ARRDC5: variants seen among roughly 807,000 people sequenced by gnomAD.
ARRDC5 encodes arrestin domain containing 5.
ARRDC5 carries 12 observed loss-of-function variants against 13.3 expected under a neutral mutation model. The observed-to-expected ratio is 0.90, with a 90% CI of 0.58 to 1.46. The LOEUF is 1.46. Ranked by LOEUF, ARRDC5 falls within the 40% of genes most tolerant of loss-of-function variation. The pLI is 0.00. For synonymous variants in ARRDC5, 181 were observed against 173.4 expected (o/e 1.04, Z -0.34); for missense variants, 406 against 418.7 (o/e 0.97, Z 0.26).
rs1225628606 is a variant in ARRDC5 at position 4,896,348 on chromosome 19, A to AT, written c.459+322dup. ...AAAAAAAATATATATATATATATAT[A>AT]TTTTTTTTTTTTTACACACACACAC... On this transcript the variant is annotated intron_variant, in intron 2 of 2. Transcript: ENST00000650722. Among the ~76,000 whole-genome samples, 211 of 59,558 alleles carry AT rather than the reference A, an allele frequency of 3.5e-3. 2 individuals are homozygous for AT. The highest frequency in any genetic ancestry group is 9.6e-3 in the African/African-American group (150 of 15,678). 39.1% of individuals were successfully genotyped at this position (59,558 alleles called of 152,430 possible). A position where few individuals can be genotyped will look rare whatever the true frequency, so the allele number is the denominator to read the frequency against.
chr19:4,909,603 C>T, the ARRDC5 span: 1 of 641,366 alleles, frequency 1.6e-6, no homozygotes, highest in Non-Finnish European at 2.8e-6. Context: ...TCATCGCCAT[C>T]CCCAGCCGGG....
At chr19:4,903,797 C>T (rs551162475), upstream of ARRDC5, among the ~76,000 whole-genome samples, 6 of 152,228 alleles carry the variant, frequency 3.9e-5, no homozygotes, top group South Asian at 1.2e-3. Context: ...GCCACTGTGC[C>T]CAGGTGCATA....
chr19:4,896,810 G>C lies in ARRDC5; in HGVS notation c.320C>G (p.Ser107Cys). Residue 107 changes from serine (S) to cysteine (C), a missense_variant, in exon 2 of 3, where the codon TCT (serine) becomes TGT (cysteine). Ser to Cys is a moderately radical substitution (Grantham distance 112, BLOSUM62 -1). Transcript: ENST00000650722. ...ATGGCCAAATTTGCTGGTGAAGGTAGAAGGAAGCCTGGGAGGTAAGTTGAA... is the reference window on the plus strand; with the variant it reads ...ATGGCCAAATTTGCTGGTGAAGGTACAAGGAAGCCTGGGAGGTAAGTTGAA... ...FHFNLPPRLP[S>C]TFTSKFGHVF... 1 of 1,613,940 alleles carries C rather than the reference G, an allele frequency of 6.2e-7. No homozygotes were observed. The highest frequency in any genetic ancestry group is 8.5e-7 in the Non-Finnish European group (1 of 1,179,852).
upstream of ARRDC5, chr19:4,903,626 C>A (rs376769727): frequency 6.6e-6 from 1 of 152,136 alleles, no homozygotes; most frequent in Admixed American, 6.6e-5. Context: ...CCTCAGCCCC[C>A]CAAGTACCTG....
At chr19:4,916,157 T>G in the ARRDC5 span, among the ~76,000 whole-genome samples, 1 of 151,868 alleles carries the variant, frequency 6.6e-6, no homozygotes, top group Non-Finnish European at 1.5e-5. Flanking sequence ...AAAATGAAAA[T>G]TAGCCGGGCA....
intron 1 of ARRDC5, 60 bp from the exon 2 acceptor site, chr19:4,896,936 CTTT>C: frequency 1.1e-6 from 1 of 943,306 alleles, no homozygotes; most frequent in Non-Finnish European, 1.6e-6. Context: ...CCTTCTTCTT[CTTT>C]TTTTTTTTGC....
chr19:4,894,048 A>T lies in ARRDC5; in HGVS notation c.460-2475T>A, dbSNP rs1220920454. ...GGGCGACAGAGCAAGACTCTGCCTA[A>T]AAAAAAAAAAAAAAGAGGAGAAGAA... On this transcript the variant is annotated intron_variant, in intron 2 of 2. Transcript: ENST00000650722. Among the ~76,000 whole-genome samples the T allele has an allele frequency of 8.6e-5, 3 of 34,982 alleles. No homozygotes were observed. In the African/African-American group the frequency reaches 1.1e-3, roughly 13 times the overall value. 22.9% of individuals were successfully genotyped at this position (34,982 alleles called of 152,430 possible).
chr19:4,893,126 AAT>A (rs2031569347), intron 2 of ARRDC5, among the ~76,000 whole-genome samples: 1 of 141,598 alleles, frequency 7.1e-6, no homozygotes, highest in African/African-American at 2.6e-5. Flanking sequence ...ATATTATAAT[AAT>A]ATAATATATA....
chr19:4,898,518 T>C (rs550723612), intron 1 of ARRDC5, among the ~76,000 whole-genome samples: 166 of 152,164 alleles, frequency 1.1e-3, no homozygotes, highest in African/African-American at 3.8e-3. Flanking sequence ...TGTACCACCA[T>C]GCCTGGCTAA....
chr19:4,907,085 G>T (rs1385397709), upstream of ARRDC5, among the ~76,000 whole-genome samples: 1 of 152,160 alleles, frequency 6.6e-6, no homozygotes, highest in Admixed American at 6.6e-5. Flanking sequence ...TATGACAAAG[G>T]ACCACAAACT....
Position 4,902,531 on chromosome 19 carries a change from G to A in ARRDC5, c.253+42C>T, listed in dbSNP as rs200589425. ...GGATGTGTTTATTTTCCAGACCCAGGTTCCTGTCATGGCTAGGGGTGGCTG... is the reference window on the plus strand; with the variant it reads ...GGATGTGTTTATTTTCCAGACCCAGATTCCTGTCATGGCTAGGGGTGGCTG... On this transcript the variant is annotated intron_variant, in intron 1 of 2. Coordinates refer to ENST00000650722, the MANE Select transcript of ARRDC5 (RefSeq NM_001080523.3). 5 of 1,593,500 alleles carry A rather than the reference G, an allele frequency of 3.1e-6. No individual in the cohort carries two copies. In the South Asian group the frequency reaches 3.3e-5, roughly 11 times the overall value.
In ARRDC5 at chr19:4,896,330, AT is replaced by A. The variant is rs1167371044; in HGVS notation, c.459+340del. On this transcript the variant is annotated intron_variant, in intron 2 of 2. Coordinates refer to ENST00000650722, the MANE Select transcript of ARRDC5 (RefSeq NM_001080523.3). ...CTGCATCTCAAAAAAAAAAAAAAAA[AT>A]ATATATATATATATATATTTTTTTT... Among the ~76,000 whole-genome samples the A allele has an allele frequency of 2.3e-3, 116 of 51,272 alleles. 3 individuals carry two copies. The highest frequency in any genetic ancestry group is 9.3e-3 in the South Asian group (14 of 1,512). 33.6% of individuals were successfully genotyped at this position (51,272 alleles called of 152,430 possible). A position where few individuals can be genotyped will look rare whatever the true frequency, so the allele number is the denominator to read the frequency against.
At chr19:4,896,552 G>T in intron 2 of ARRDC5, 119 bp downstream of exon 2, 1 of 718,490 alleles carries the variant, frequency 1.4e-6, no homozygotes, top group Non-Finnish European at 2.4e-6. Flanking sequence ...GGCCTGGGAA[G>T]CTGCCAACAC....
the ARRDC5 span, among the ~76,000 whole-genome samples, chr19:4,908,468 C>T: frequency 2.6e-5 from 4 of 152,218 alleles, no homozygotes; most frequent in Non-Finnish European, 5.9e-5. Context: ...CTCAACTCCC[C>T]CTCCCCTTTG....
intron 1 of ARRDC5, among the ~76,000 whole-genome samples, chr19:4,901,938 G>A (rs1333489597): frequency 2.6e-5 from 4 of 151,978 alleles, no homozygotes; most frequent in Non-Finnish European, 4.4e-5. Flanking sequence ...CCAGGCTGGC[G>A]TGCTGTGGTG....
the ARRDC5 span, chr19:4,909,759 C>T: frequency 2.1e-6 from 1 of 480,034 alleles, no homozygotes; most frequent in Non-Finnish European, 3.6e-6. Context: ...CACGCATGTC[C>T]CGCACTCTGT....
At position 4,890,719 on chromosome 19, in the gene ARRDC5, A is replaced by G. The variant is rs893624009; in HGVS notation, c.*327T>C. On this transcript the variant is annotated 3_prime_UTR_variant, in exon 3 of 3. Transcript: ENST00000650722. ...GTTGTGACAGCCAATACAACCAGACATTAGCAGAGGGGAGAATTCTCCCCA... is the reference window on the plus strand; with the variant it reads ...GTTGTGACAGCCAATACAACCAGACGTTAGCAGAGGGGAGAATTCTCCCCA... 3.6e-5 allele frequency: 11 copies of G among 301,602 alleles called. No homozygotes were observed. Among genetic ancestry groups the G allele is most frequent in the African/African-American group, 2.2e-4 (10 of 46,374 alleles). 18.7% of individuals were successfully genotyped at this position (301,602 alleles called of 1,614,324 possible). A position where few individuals can be genotyped will look rare whatever the true frequency, so the allele number is the denominator to read the frequency against.
At chr19:4,907,277 T>A (rs146097659), upstream of ARRDC5, among the ~76,000 whole-genome samples, 535 of 147,508 alleles carry the variant, frequency 3.6e-3, 4 homozygotes, top group African/African-American at 0.013. Flanking sequence ...GCCCAGCTAA[T>A]TTTTTTTTTT....
At chr19:4,896,936 C>T (rs1019459480) in intron 1 of ARRDC5, 60 bp from the exon 2 acceptor site, 17 of 943,266 alleles carry the variant, frequency 1.8e-5, no homozygotes, top group Non-Finnish European at 2.3e-5. Context: ...CCTTCTTCTT[C>T]TTTTTTTTTT....
Sources: gnomAD v4.1 joint callset for allele counts (sites outside exome capture counted in the v4.1 genomes callset) on GRCh38, gnomAD v4.1.1 for gene constraint, MANE v1.5 for transcripts, NCBI Gene and HGNC (gene_info 2026-07-23, HGNC 2026-07-21) for gene names.